CHSY1: variants seen among roughly 807,000 people sequenced by gnomAD.
CHSY1 encodes N-acetylgalactosaminyl-proteoglycan 3-beta-glucuronosyltransferase 1.
A neutral mutation model predicts 59.8 loss-of-function variants in CHSY1; 13 were observed. That is an observed-to-expected ratio of 0.22 (90% CI 0.14 to 0.35). The LOEUF is 0.35. Ranked by LOEUF, CHSY1 falls within the 10% of genes least tolerant of loss-of-function variation. The pLI is 1.00. For synonymous variants in CHSY1, 459 were observed against 401.2 expected (o/e 1.14, Z -1.72); for missense variants, 947 against 1,030.6 (o/e 0.92, Z 1.11).
In CHSY1 at chr15:101,251,651, A is replaced by ACGCC. The variant is rs2039116330; in HGVS notation, c.-199_-196dup. ...GCCCCGCGCCGGCGCTTTGTTCCGC[A>ACGCC]CGCCCGCCCCCGCCGCCGCGGCCTG... On this transcript the variant is annotated 5_prime_UTR_variant, in exon 1 of 3. It removes the in-frame stop codon of an upstream open reading frame in the 5' UTR. Coordinates refer to ENST00000254190, the MANE Select transcript of CHSY1 (RefSeq NM_014918.5). The ACGCC allele has an allele frequency of 6.9e-6, 1 of 144,512 alleles. No homozygotes were observed. Among genetic ancestry groups the ACGCC allele is most frequent in the African/African-American group, 2.5e-5 (1 of 39,924 alleles). 9.0% of individuals were successfully genotyped at this position (144,512 alleles called of 1,614,324 possible).
chr15:101,211,441 T>C (rs1485715879), intron 2 of CHSY1, among the ~76,000 whole-genome samples: 1 of 152,192 alleles, frequency 6.6e-6, no homozygotes, highest in Non-Finnish European at 1.5e-5. Flanking sequence ...TGAAAAAGAA[T>C]ACTGAAAATA....
At chr15:101,210,972 C>G (rs1216282520) in intron 2 of CHSY1, among the ~76,000 whole-genome samples, 1 of 152,154 alleles carries the variant, frequency 6.6e-6, no homozygotes. Flanking sequence ...CAATATTAAA[C>G]TATTAAAAAT....
In CHSY1 at chr15:101,177,195, C is replaced by G; in HGVS notation, c.*193G>C. ...TTAAGCAGGTCTGCTACATAATGTT[C>G]AGCAAGAAGATGTGTTCAAAGGCAA... On this transcript the variant is annotated 3_prime_UTR_variant, in exon 3 of 3. Coordinates refer to ENST00000254190, the MANE Select transcript of CHSY1 (RefSeq NM_014918.5). The G allele has an allele frequency of 1.8e-6, 1 of 543,172 alleles. No individual in the cohort carries two copies. The highest frequency in any genetic ancestry group is 3.2e-6 in the Non-Finnish European group (1 of 312,826). 33.6% of individuals were successfully genotyped at this position (543,172 alleles called of 1,614,324 possible).
At chr15:101,190,813 A>G (rs970673682) in intron 2 of CHSY1, among the ~76,000 whole-genome samples, 2 of 152,226 alleles carry the variant, frequency 1.3e-5, no homozygotes, top group Non-Finnish European at 2.9e-5. Context: ...AGTTACACAG[A>G]TGGTAGAAAA....
intron 2 of CHSY1, among the ~76,000 whole-genome samples, chr15:101,211,130 C>G (rs2038678096): frequency 6.6e-6 from 1 of 152,090 alleles, no homozygotes; most frequent in Non-Finnish European, 1.5e-5. Flanking sequence ...TCATGACCAG[C>G]CTGGCCAACA....
At chr15:101,186,080 T>A (rs1191515852) in intron 2 of CHSY1, among the ~76,000 whole-genome samples, 1 of 142,330 alleles carries the variant, frequency 7.0e-6, no homozygotes, top group Non-Finnish European at 1.5e-5. Context: ...CCAGGCATGG[T>A]GGCTCATGCC....
At chr15:101,225,797 C>T (rs28635705) in intron 2 of CHSY1, among the ~76,000 whole-genome samples, 45,492 of 152,094 alleles carry the variant, frequency 0.3, 8,328 homozygotes, top group African/African-American at 0.52. Context: ...CGTGTGAGAA[C>T]GGACTAACAC....
At chr15:101,247,666 T>C (rs1256837919) in intron 1 of CHSY1, among the ~76,000 whole-genome samples, 1 of 152,236 alleles carries the variant, frequency 6.6e-6, no homozygotes, top group Non-Finnish European at 1.5e-5. Flanking sequence ...GTCTCTCACC[T>C]GCTACATTTT....
At chr15:101,250,550 C>A (rs964991599) in intron 1 of CHSY1, among the ~76,000 whole-genome samples, 70 of 152,188 alleles carry the variant, frequency 4.6e-4, no homozygotes, top group African/African-American at 1.7e-3. Flanking sequence ...CTACCAAGGG[C>A]CAAGAACTGC....
chr15:101,198,422 C>T (rs1404956367), intron 2 of CHSY1, among the ~76,000 whole-genome samples: 1 of 152,110 alleles, frequency 6.6e-6, no homozygotes, highest in East Asian at 1.9e-4. Context: ...GGTGGTTTGG[C>T]CCTCTCGTAA....
chr15:101,247,764 T>C (rs11636578), intron 1 of CHSY1, among the ~76,000 whole-genome samples: 64,637 of 152,002 alleles, frequency 0.43, 15,843 homozygotes, highest in African/African-American at 0.69. Flanking sequence ...CCCCCATCCA[T>C]CCCTCAAGCA....
At chr15:101,187,829 T>A (rs2038390463) in intron 2 of CHSY1, 1 of 165,762 alleles carries the variant, frequency 6.0e-6, no homozygotes, top group Non-Finnish European at 1.2e-5. Context: ...ATCCTTCAAC[T>A]CCAGCAAAGC....
In CHSY1 at chr15:101,178,678, A is replaced by C. The variant is rs1461567636; in HGVS notation, c.1119T>G (p.Ile373Met). The C allele has an allele frequency of 6.2e-7, 1 of 1,614,152 alleles. No individual in the cohort carries two copies. Among genetic ancestry groups the C allele is most frequent in the Non-Finnish European group, 8.5e-7 (1 of 1,180,026 alleles). ...TTCCAGTCAGAAACTCCCATTCCAG[A>C]ATCTCCTCTCGCTGGCGGGGCTGAA... ...MRFQPRQREE[I>M]LEWEFLTGKY... The change falls in exon 3 of 3, where the codon ATT (isoleucine) becomes ATG (methionine). Residue 373 changes from isoleucine (I) to methionine (M), a missense_variant. By Grantham distance (10) the Ile-to-Met change is conservative (BLOSUM62 1). Transcript: ENST00000254190.
At chr15:101,188,696 G>C (rs1380347164) in intron 2 of CHSY1, among the ~76,000 whole-genome samples, 1 of 152,010 alleles carries the variant, frequency 6.6e-6, no homozygotes, top group Non-Finnish European at 1.5e-5. Context: ...AAATAATTTT[G>C]AGAATTAAGC....
chr15:101,214,453 A>T (rs2038712363), intron 2 of CHSY1, among the ~76,000 whole-genome samples: 2 of 152,246 alleles, frequency 1.3e-5, no homozygotes, highest in African/African-American at 4.8e-5. Flanking sequence ...TTGTGTCTGC[A>T]TCTGCCATCT....
At chr15:101,229,717 G>A (rs1312810589) in intron 2 of CHSY1, among the ~76,000 whole-genome samples, 1 of 152,010 alleles carries the variant, frequency 6.6e-6, no homozygotes, top group Non-Finnish European at 1.5e-5. Context: ...GACCAGCCTG[G>A]TTAACATGGT....
Position 101,176,188 on chromosome 15 carries a change from A to T in CHSY1, c.*1200T>A. The T allele has an allele frequency of 2.5e-6, 1 of 398,718 alleles. No individual in the cohort carries two copies. Among genetic ancestry groups the T allele is most frequent in the Non-Finnish European group, 4.4e-6 (1 of 225,958 alleles). 24.7% of individuals were successfully genotyped at this position (398,718 alleles called of 1,614,324 possible). On this transcript the variant is annotated 3_prime_UTR_variant, in exon 3 of 3. Coordinates refer to ENST00000254190, the MANE Select transcript of CHSY1 (RefSeq NM_014918.5). ...ATACACATAAATAATACTAACTAAC[A>T]GGTACTCAAGAAATGGCAGAGCTCT...
intron 2 of CHSY1, among the ~76,000 whole-genome samples, chr15:101,211,092 G>C (rs1038257484): frequency 6.6e-6 from 1 of 152,224 alleles, no homozygotes; most frequent in Non-Finnish European, 1.5e-5. Context: ...GGGAGGCTGA[G>C]GAGGGTGGAT....
At chr15:101,199,153 T>C (rs1484104501) in intron 2 of CHSY1, among the ~76,000 whole-genome samples, 1 of 152,152 alleles carries the variant, frequency 6.6e-6, no homozygotes, top group Non-Finnish European at 1.5e-5. Flanking sequence ...CTGTTACATT[T>C]GTGGACACTG....
Sources: allele counts gnomAD v4.1 joint callset (sites outside exome capture counted in the v4.1 genomes callset), GRCh38; gene constraint gnomAD v4.1.1; transcripts MANE v1.5; gene names NCBI Gene and HGNC (gene_info 2026-07-23, HGNC 2026-07-21).